The following FCRL6 variants were observed in gnomAD, a reference collection of about 807,000 sequenced individuals.
FCRL6 encodes the protein Fc receptor-like protein 6.
Under a neutral mutation model 49.1 loss-of-function variants are expected in FCRL6, and 50 were observed. The ratio of observed to expected loss-of-function variants is 1.02; its 90% confidence interval spans 0.81 to 1.29. The LOEUF (loss-of-function observed/expected upper bound fraction) is 1.29, where lower values mean the gene tolerates loss of function less well. FCRL6 is among the 50% of genes most tolerant of loss of function. The pLI, the probability that FCRL6 is intolerant of heterozygous loss-of-function variation, is 0.00. For missense variants in FCRL6, 571 were observed against 518.5 expected, an observed-to-expected ratio of 1.10 and a Z score of -0.98; for synonymous variants, 213 against 199.6, an observed-to-expected ratio of 1.07 and a Z score of -0.57.
At chr1:159,808,679 GA>G in intron 3 of FCRL6, 1 of 621,184 alleles carries the variant, frequency 1.6e-6, no homozygotes, top group Admixed American at 2.9e-5. Flanking sequence ...GGGGCACTGG[GA>G]AGACCCTGGA....
At chr1:159,809,281 C>T (rs745636515) in intron 4 of FCRL6, 36 bp downstream of exon 4, 5 of 1,526,522 alleles carry the variant, frequency 3.3e-6, no homozygotes, top group South Asian at 1.3e-5. Context: ...CCCCCAGGGC[C>T]CTGGGCGTCA....
At position 159,815,433 on chromosome 1, in the gene FCRL6, T is replaced by A. The variant is rs1557880250; in HGVS notation, c.1153T>A (p.Ser385Thr). The change falls in exon 9 of 10, where the codon TCT (serine) becomes ACT (threonine). Residue 385 changes from serine (S) to threonine (T), a missense_variant. Transcript: ENST00000368106. ...HRTSKRSEAR[S>T]AEFTVGRKDS... ...AGCTCATTCTTTCCCCACAGCCAGG[T>A]CTGCTGAGTTCACCGTGGGGAGAAA... 1 of 1,613,942 alleles carries A rather than the reference T, an allele frequency of 6.2e-7. No individual in the cohort carries two copies. The highest frequency in any genetic ancestry group is 1.7e-5 in the Admixed American group (1 of 60,012).
Position 159,813,512 on chromosome 1 carries a change from C to T in FCRL6, c.1033C>T (p.Pro345Ser), listed in dbSNP as rs572864590. Reference protein sequence around the residue: ...KAGPLPSQIPPTAPGGEQCPL... With the variant: ...KAGPLPSQIPSTAPGGEQCPL... Reference sequence around the variant, plus strand: ...AGGGCCCCTTCCATCCCAGATACCACCCACAGCTCCAGGTGGAGAGCAGTG... The same window carrying T: ...AGGGCCCCTTCCATCCCAGATACCATCCACAGCTCCAGGTGGAGAGCAGTG... The change falls in exon 7 of 10, where the codon CCC (proline) becomes TCC (serine). Residue 345 changes from proline to serine, a missense_variant. Coordinates refer to ENST00000368106, the MANE Select transcript of FCRL6 (RefSeq NM_001004310.3). 1.9e-6 allele frequency: 3 copies of T among 1,614,098 alleles called. No homozygotes were observed. Among genetic ancestry groups the T allele is most frequent in the South Asian group, 2.2e-5 (2 of 91,084 alleles).
At chr1:159,814,051 G>T (rs901135095) in intron 7 of FCRL6, among the ~76,000 whole-genome samples, 170 bp from the exon 8 acceptor site, 1 of 152,004 alleles carries the variant, frequency 6.6e-6, no homozygotes, top group African/African-American at 2.4e-5. Flanking sequence ...TGTTAAGGGG[G>T]CCTGACTCCC....
rs987346896 is a variant in FCRL6 at position 159,810,597 on chromosome 1, C to G, written c.1009+381C>G. 2.6e-5 allele frequency among the ~76,000 whole-genome samples: 4 copies of G among 151,986 alleles called. No homozygotes were observed. The East Asian group carries it at 5.8e-4, about 22-fold the overall frequency. ...AGCAAAAAAAAAAAGGCCTCCACCT[C>G]TCTCTCTCATTGAGCTCAGCAGAGC... is the stretch of plus-strand genomic sequence containing the variant. On this transcript the variant is annotated intron_variant, in intron 6 of 9. Transcript: ENST00000368106.
upstream of FCRL6, chr1:159,800,609 T>G: frequency 6.5e-7 from 1 of 1,550,134 alleles, no homozygotes; most frequent in Non-Finnish European, 8.7e-7. Context: ...TGTTGCCATC[T>G]TTAGGTGAGT....
At chr1:159,807,862 T>C (rs771899306) in intron 2 of FCRL6, among the ~76,000 whole-genome samples, 6 of 144,096 alleles carry the variant, frequency 4.2e-5, no homozygotes, top group Non-Finnish European at 7.5e-5. Flanking sequence ...AAGTGCAATA[T>C]AAAAGAAGAC....
intron 6 of FCRL6, 62 bp from the exon 7 acceptor site, chr1:159,813,427 T>C: frequency 1.4e-6 from 2 of 1,441,912 alleles, no homozygotes; most frequent in South Asian, 2.3e-5. Context: ...ACAGCTTTCC[T>C]GTCCCCTGTC....
chr1:159,804,404 A>C (rs2101732165), intron 1 of FCRL6, among the ~76,000 whole-genome samples: 1 of 152,338 alleles, frequency 6.6e-6, no homozygotes, highest in African/African-American at 2.4e-5. Context: ...CCGATCCCTC[A>C]GAAACTTTAA....
chr1:159,804,010 C>A (rs1205024150), intron 1 of FCRL6, among the ~76,000 whole-genome samples: 1 of 152,116 alleles, frequency 6.6e-6, no homozygotes, highest in African/African-American at 2.4e-5. Flanking sequence ...CATGTGGGGA[C>A]CTGGCTGAAT....
Position 159,815,785 on chromosome 1 carries a change from T to C in FCRL6, c.*124T>C. The C allele has an allele frequency of 8.0e-7, 1 of 1,248,166 alleles. No homozygotes were observed. The highest frequency in any genetic ancestry group is 1.1e-6 in the Non-Finnish European group (1 of 891,246). The allele number at this position is 1,248,166 out of a possible 1,614,324, so 77.3% of individuals were successfully genotyped here. ...CCAAGCCCAGCATCACAGAGCCCCC[T>C]GAGCCCTTGTCCTGGTCAGGAGCAC... On this transcript the variant is annotated 3_prime_UTR_variant, in exon 10 of 10. Coordinates refer to ENST00000368106, the MANE Select transcript of FCRL6 (RefSeq NM_001004310.3).
intron 1 of FCRL6, among the ~76,000 whole-genome samples, chr1:159,803,752 G>A (rs1029129170): frequency 9.2e-5 from 14 of 152,304 alleles, no homozygotes; most frequent in South Asian, 4.1e-4. Context: ...ATCAGTGACC[G>A]GCTGACTGGT....
intron 1 of FCRL6, among the ~76,000 whole-genome samples, chr1:159,803,287 G>A (rs181399283): frequency 9.2e-5 from 14 of 152,258 alleles, no homozygotes; most frequent in Non-Finnish European, 1.6e-4. Flanking sequence ...AAATAATTTG[G>A]CATATATTTT....
At chr1:159,808,887 A>C in intron 3 of FCRL6, 74 bp from the exon 4 acceptor site, 2 of 1,463,342 alleles carry the variant, frequency 1.4e-6, no homozygotes, top group Non-Finnish European at 1.8e-6. Flanking sequence ...GATGAGTAGA[A>C]GCTCAGGCCT....
chr1:159,808,228 C>T lies in FCRL6; in HGVS notation c.103C>T (p.Leu35=). The T allele has an allele frequency of 1.2e-6, 2 of 1,613,990 alleles. No individual in the cohort carries two copies. The highest frequency in any genetic ancestry group is 1.7e-5 in the Admixed American group (1 of 60,030). ...AAACCCTGTGTTTGAAGGAGATGCC[C>T]TGACTCTGCGATGTCAGGGATGGAA... ...WPNPVFEGDA[L]TLRCQGWKNT... is the part of the protein sequence containing the mutation. The change falls in exon 3 of 10, where the codon CTG becomes TTG. Residue 35 remains leucine, a synonymous_variant. Transcript: ENST00000368106.
At chr1:159,802,585 T>C in intron 1 of FCRL6, 130 bp downstream of exon 1, 1 of 796,772 alleles carries the variant, frequency 1.3e-6, no homozygotes, top group South Asian at 1.5e-5. Flanking sequence ...GACAGGTGTG[T>C]GCACCTGGGC....
rs761797320 is a variant in FCRL6, at chr1:159,813,464, T to C, written c.1010-25T>C. 34 of 1,608,034 alleles carry C rather than the reference T, an allele frequency of 2.1e-5. No individual in the cohort carries two copies. The African/African-American group carries it at 3.7e-4, about 18-fold the overall frequency. On this transcript the variant is annotated intron_variant, in intron 6 of 9. Coordinates refer to ENST00000368106, the MANE Select transcript of FCRL6 (RefSeq NM_001004310.3). ...CACCTGCCCTCTAAGGGACACCCAG[T>C]GAATCATGCCCTTGTATCTCCTAGG...
chr1:159,808,560 C>T lies in FCRL6; in HGVS notation c.319+116C>T, dbSNP rs751955860. The T allele has an allele frequency of 1.3e-4, 172 of 1,334,586 alleles. 1 individual carries two copies. The highest frequency in any genetic ancestry group is 3.8e-4 in the Middle Eastern group (2 of 5,200). 82.7% of individuals were successfully genotyped at this position (1,334,586 alleles called of 1,614,324 possible). On this transcript the variant is annotated intron_variant, in intron 3 of 9. Coordinates refer to ENST00000368106, the MANE Select transcript of FCRL6 (RefSeq NM_001004310.3). ...GTCTCTGGCTGCCCCTCATGCTGGG[C>T]CAATGTGTGGGGCCCCGAGGTTTCC... is the stretch of plus-strand genomic sequence containing the variant.
At position 159,815,594 on chromosome 1, in the gene FCRL6, C is replaced by T. The variant is rs781564692; in HGVS notation, c.1238C>T (p.Thr413Met). 10 of 1,614,078 alleles carry T rather than the reference C, an allele frequency of 6.2e-6. No homozygotes were observed. In the East Asian group the frequency reaches 8.9e-5, roughly 14 times the overall value. The change falls in exon 10 of 10, where the codon ACG (threonine) becomes ATG (methionine). Residue 413 changes from threonine (T) to methionine (M), a missense_variant. Physicochemically the swap from Thr to Met is moderately conservative, Grantham distance 81. Transcript: ENST00000368106. The stretch of plus-strand genomic sequence containing the variant: ...CTGCAGCCCAGTGAGGTTTCATCCA[C>T]GGAGGTGAATATGAGAAGCAGGACT... ...RCLQPSEVSS[T>M]EVNMRSRTLQ... is the part of the protein sequence containing the mutation.
Sources: gnomAD v4.1 joint callset for allele counts (sites outside exome capture counted in the v4.1 genomes callset) on GRCh38, gnomAD v4.1.1 for gene constraint, MANE v1.5 for transcripts, NCBI Gene and HGNC (gene_info 2026-07-23, HGNC 2026-07-21) for gene names.